Variants in PCNX2 observed in about 807,000 individuals in gnomAD.
PCNX2 encodes the protein pecanex 2.
PCNX2 carries 168 observed loss-of-function variants against 223.8 expected under a neutral mutation model. That is an observed-to-expected ratio of 0.75 (90% CI 0.66 to 0.85). PCNX2 has a LOEUF of 0.85. PCNX2 is among the 40% of genes least tolerant of loss of function. The pLI is 0.00. For synonymous variants in PCNX2, 1,006 were observed against 1,052.6 expected, an observed-to-expected ratio of 0.96 and a Z score of 0.86; for missense variants, 2,507 against 2,675.5, an observed-to-expected ratio of 0.94 and a Z score of 1.39.
the PCNX2 span, among the ~76,000 whole-genome samples, chr1:233,307,146 A>G: frequency 1.2e-4 from 19 of 152,230 alleles, no homozygotes; most frequent in African/African-American, 4.3e-4. Flanking sequence ...AATTATGGTT[A>G]CAAAATCCTC....
intron 31 of PCNX2, 79 bp from the exon 32 acceptor site, chr1:232,998,517 T>A: frequency 6.7e-7 from 1 of 1,503,118 alleles, no homozygotes; most frequent in Non-Finnish European, 9.0e-7. Context: ...TGGCCTTGCC[T>A]AAATCGGGAT....
chr1:233,282,251 G>A (rs571122919), intron 1 of PCNX2, among the ~76,000 whole-genome samples: 4 of 150,072 alleles, frequency 2.7e-5, no homozygotes, highest in South Asian at 2.1e-4. Context: ...CGCTCCTGGG[G>A]CCTCACTGTT....
chr1:232,985,453 A>G (rs1430389877), intron 33 of PCNX2: 1 of 154,332 alleles, frequency 6.5e-6, no homozygotes, highest in Non-Finnish European at 1.4e-5. Flanking sequence ...TTGCCTTGAC[A>G]CCATCGATTT....
intron 22 of PCNX2, among the ~76,000 whole-genome samples, chr1:233,094,871 G>A (rs1246706476): frequency 6.6e-6 from 1 of 152,156 alleles, no homozygotes. Flanking sequence ...CCCGCCCAGT[G>A]AAATTTGATT....
rs1046377857 is a variant in PCNX2 at position 233,170,653 on chromosome 1, T to C, written c.3273+7149A>G. ...TCCTACACTGCTATCATAAAAGTAG[T>C]TTCCATTATTATGACTCTAAGTGCT... On this transcript the variant is annotated intron_variant, in intron 17 of 33. Transcript: ENST00000258229. Among the ~76,000 whole-genome samples, 19 of 152,258 alleles carry C rather than the reference T, an allele frequency of 1.2e-4. 1 individual carries two copies. Among genetic ancestry groups the C allele is most frequent in the African/African-American group, 4.1e-4 (17 of 41,468 alleles).
At chr1:233,262,187 A>G (rs1366701487) in intron 2 of PCNX2, 22 bp from the exon 3 acceptor site, 2 of 1,612,824 alleles carry the variant, frequency 1.2e-6, no homozygotes, top group Non-Finnish European at 1.7e-6. Context: ...TGAGAAACAC[A>G]AGAGCAGTGA....
chr1:233,283,032 AT>A lies in PCNX2; in HGVS notation c.153+12293del, dbSNP rs924598619. Among the ~76,000 whole-genome samples the A allele has an allele frequency of 7.1e-5, 9 of 126,210 alleles. No individual in the cohort carries two copies. The Admixed American group carries it at 7.2e-4, about 10-fold the overall frequency. The allele number at this position is 126,210 out of a possible 152,430, so 82.8% of individuals were successfully genotyped here. On this transcript the variant is annotated intron_variant, in intron 1 of 33. Coordinates refer to ENST00000258229, the MANE Select transcript of PCNX2 (RefSeq NM_014801.4). ...GGTGATGCGTATTCTAAAAAAAAAA[AT>A]AATAATAATAACTTCTAAACAGTCT...
chr1:233,231,795 G>A, intron 9 of PCNX2: 1 of 402,778 alleles, frequency 2.5e-6, no homozygotes, highest in Non-Finnish European at 3.4e-6. Context: ...ATCACAGAGT[G>A]GCTGCCAAGG....
chr1:233,229,844 T>A (rs139285652), intron 9 of PCNX2, among the ~76,000 whole-genome samples: 34 of 152,192 alleles, frequency 2.2e-4, no homozygotes, highest in Non-Finnish European at 1.3e-4. Flanking sequence ...AAAGAAATGA[T>A]TTCACTTCTT....
At chr1:233,129,664 G>A (rs1006470729) in intron 21 of PCNX2, among the ~76,000 whole-genome samples, 22 of 152,116 alleles carry the variant, frequency 1.4e-4, no homozygotes, top group Admixed American at 5.9e-4. Flanking sequence ...TGTCTAGCTC[G>A]GAGTTTGTGG....
intron 23 of PCNX2, among the ~76,000 whole-genome samples, chr1:233,084,446 T>C (rs1381877229): frequency 6.6e-6 from 1 of 152,198 alleles, no homozygotes; most frequent in Non-Finnish European, 1.5e-5. Flanking sequence ...CCCAGAACAA[T>C]GTAACATTTT....
the PCNX2 span, among the ~76,000 whole-genome samples, chr1:233,316,592 G>A: frequency 1.3e-5 from 2 of 152,118 alleles, no homozygotes; most frequent in Admixed American, 1.3e-4. Flanking sequence ...TTACTCAGCT[G>A]TCATACTGAC....
chr1:233,174,223 TTATA>T (rs1679337296), intron 17 of PCNX2, among the ~76,000 whole-genome samples: 1 of 137,018 alleles, frequency 7.3e-6, no homozygotes, highest in Non-Finnish European at 1.6e-5. Context: ...AAAAATTATG[TTATA>T]TATTTAATTT....
chr1:233,229,580 AT>A (rs1212858822), intron 9 of PCNX2, among the ~76,000 whole-genome samples: 1 of 152,202 alleles, frequency 6.6e-6, no homozygotes, highest in African/African-American at 2.4e-5. Context: ...GAATCCATGT[AT>A]GAGGCATAAA....
intron 25 of PCNX2, among the ~76,000 whole-genome samples, chr1:233,035,286 G>C (rs958284958): frequency 6.6e-6 from 1 of 152,094 alleles, no homozygotes; most frequent in African/African-American, 2.4e-5. Flanking sequence ...AGTACTTTGA[G>C]AAACAAACCG....
chr1:233,038,530 C>T (rs539717436), intron 25 of PCNX2, among the ~76,000 whole-genome samples: 5 of 152,098 alleles, frequency 3.3e-5, no homozygotes, highest in Admixed American at 1.3e-4. Flanking sequence ...CTTCGTCTCT[C>T]CTATTAACAG....
At chr1:233,234,509 G>A (rs186222014) in intron 9 of PCNX2, among the ~76,000 whole-genome samples, 25 of 152,262 alleles carry the variant, frequency 1.6e-4, no homozygotes, top group African/African-American at 2.6e-4. Flanking sequence ...ATGCATCATC[G>A]TGACATTTAT....
intron 32 of PCNX2, among the ~76,000 whole-genome samples, chr1:232,986,971 C>T (rs1669514208): frequency 6.6e-6 from 1 of 152,200 alleles, no homozygotes; most frequent in South Asian, 2.1e-4. Flanking sequence ...ACCTTGGTTC[C>T]CATGCTCATC....
chr1:233,018,924 C>T lies in PCNX2; in HGVS notation c.4606-1770G>A, dbSNP rs893379556. ...AAGCAGAAAACGAATATTGGGTGGACGGAAACGAAGTCTTCAGTGACTGAC... is the reference window on the plus strand; with the variant it reads ...AAGCAGAAAACGAATATTGGGTGGATGGAAACGAAGTCTTCAGTGACTGAC... On this transcript the variant is annotated intron_variant, in intron 26 of 33. Coordinates refer to ENST00000258229, the MANE Select transcript of PCNX2 (RefSeq NM_014801.4). The T allele has an allele frequency of 5.1e-6, 5 of 985,250 alleles. No individual in the cohort carries two copies. The African/African-American group carries it at 5.2e-5, about 10-fold the overall frequency. 61.0% of individuals were successfully genotyped at this position (985,250 alleles called of 1,614,324 possible).
Sources: gnomAD v4.1 joint callset for allele counts (sites outside exome capture counted in the v4.1 genomes callset) on GRCh38, gnomAD v4.1.1 for gene constraint, MANE v1.5 for transcripts, NCBI Gene and HGNC (gene_info 2026-07-23, HGNC 2026-07-21) for gene names.